The following C4orf36 variants were observed in gnomAD, a reference collection of about 807,000 sequenced individuals.
C4orf36 encodes the protein uncharacterized protein C4orf36.
Under a neutral mutation model 12.2 loss-of-function variants are expected in C4orf36, and 11 were observed. The ratio of observed to expected loss-of-function variants is 0.90; its 90% CI spans 0.57 to 1.49. The LOEUF (loss-of-function observed/expected upper bound fraction) is 1.49. Among genes scored for constraint, C4orf36 ranks in the 40% most tolerant of loss-of-function variants. C4orf36 has a pLI of 0.00. For synonymous variants in C4orf36, 54 were observed against 51.3 expected (o/e 1.05, Z -0.22); for missense variants, 137 against 133.9 (o/e 1.02, Z -0.11).
intron 4 of C4orf36, among the ~76,000 whole-genome samples, chr4:86,885,356 T>G (rs1010153931): frequency 5.3e-5 from 8 of 152,188 alleles, no homozygotes; most frequent in African/African-American, 1.9e-4. Flanking sequence ...CATTTGTTTG[T>G]GTCCTCTTTT....
chr4:86,902,418 C>CAAAAAAAAAAAAAAAAA, the C4orf36 span, among the ~76,000 whole-genome samples: 1 of 58,958 alleles, frequency 1.7e-5, no homozygotes. Flanking sequence ...ATGAGACTCT[C>CAAAAAAAAAAAAAAAAA]AAAAAAAAAA....
chr4:86,891,773 C>A (rs1747426333), intron 1 of C4orf36, among the ~76,000 whole-genome samples, 180 bp from the exon 2 acceptor site: 1 of 152,140 alleles, frequency 6.6e-6, no homozygotes, highest in South Asian at 2.1e-4. Flanking sequence ...TTTTTTGCCA[C>A]CGAATAAGGA....
chr4:86,917,838 A>C, the C4orf36 span, among the ~76,000 whole-genome samples: 1 of 151,120 alleles, frequency 6.6e-6, no homozygotes, highest in South Asian at 2.1e-4. Context: ...CCTTTACAGC[A>C]TGTTACTGTA....
At chr4:86,892,834 A>G (rs368650853), upstream of C4orf36, among the ~76,000 whole-genome samples, 9 of 152,354 alleles carry the variant, frequency 5.9e-5, no homozygotes, top group Admixed American at 4.6e-4. Flanking sequence ...CAATTTCTAA[A>G]GCCGTTATTA....
chr4:86,917,366 TGGAA>T, the C4orf36 span, among the ~76,000 whole-genome samples: 58 of 99,344 alleles, frequency 5.8e-4, no homozygotes, highest in Non-Finnish European at 9.9e-4. Context: ...AAGGAAAGGA[TGGAA>T]GGAAGGAAGG....
At chr4:86,878,293 G>C (rs571241520) in intron 4 of C4orf36, among the ~76,000 whole-genome samples, 4 of 152,180 alleles carry the variant, frequency 2.6e-5, no homozygotes, top group South Asian at 4.2e-4. Flanking sequence ...GGACCATTTT[G>C]CTCATTTATG....
At chr4:86,892,092 G>A (rs553355189) in intron 1 of C4orf36, 91 bp downstream of exon 1, 871 of 985,852 alleles carry the variant, frequency 8.8e-4, no homozygotes, top group Middle Eastern at 2.1e-3. Context: ...CAGGGCCCGG[G>A]AGGAACTGGT....
chr4:86,904,964 G>A, the C4orf36 span, among the ~76,000 whole-genome samples: 1 of 152,066 alleles, frequency 6.6e-6, no homozygotes, highest in African/African-American at 2.4e-5. Context: ...GGGCGGTTGC[G>A]GTAACTCACG....
At chr4:86,930,748 G>A in the C4orf36 span, among the ~76,000 whole-genome samples, 1 of 152,154 alleles carries the variant, frequency 6.6e-6, no homozygotes, top group Non-Finnish European at 1.5e-5. Context: ...TAGCAATGAG[G>A]AAAAATTTAC....
chr4:86,917,368 G>A, the C4orf36 span, among the ~76,000 whole-genome samples: 1 of 147,972 alleles, frequency 6.8e-6, no homozygotes, highest in Admixed American at 6.8e-5. Context: ...GGAAAGGATG[G>A]AAGGAAGGAA....
At position 86,883,089 on chromosome 4, in the gene C4orf36, TGTGA is replaced by T. The variant is rs1248123673; in HGVS notation, c.*2+4665_*2+4668del. Among the ~76,000 whole-genome samples the T allele has an allele frequency of 3.3e-5, 5 of 152,178 alleles. No individual in the cohort carries two copies. In the East Asian group the frequency reaches 7.7e-4, roughly 23 times the overall value. ...ATGCCACTAACTAAAAGTGCCAGGT[TGTGA>T]GTGAGGTGTGACATGCTTAGGGCTC... is the stretch of plus-strand genomic sequence containing the variant. On this transcript the variant is annotated intron_variant, in intron 4 of 4. Coordinates refer to ENST00000295898, the MANE Select transcript of C4orf36 (RefSeq NM_144645.4).
chr4:86,928,553 T>G, the C4orf36 span, among the ~76,000 whole-genome samples: 1 of 152,176 alleles, frequency 6.6e-6, no homozygotes, highest in African/African-American at 2.4e-5. Context: ...TAGACTAGAC[T>G]AGACTAGATT....
chr4:86,892,468 G>A (rs1747465599), upstream of C4orf36: 2 of 985,032 alleles, frequency 2.0e-6, no homozygotes, highest in South Asian at 9.4e-5. Context: ...GGCTTTGTGG[G>A]GCCCTCCCCA....
chr4:86,897,140 T>C (rs1022126670), upstream of C4orf36, among the ~76,000 whole-genome samples: 3 of 152,020 alleles, frequency 2.0e-5, no homozygotes, highest in African/African-American at 7.2e-5. Context: ...GTGGGTGGAT[T>C]GCTTGAGTTC....
At chr4:86,897,671 C>CT in the C4orf36 span, among the ~76,000 whole-genome samples, 1 of 152,204 alleles carries the variant, frequency 6.6e-6, no homozygotes, top group East Asian at 1.9e-4. Context: ...CTTCTCTACT[C>CT]TTCTTAGAGG....
the C4orf36 span, among the ~76,000 whole-genome samples, chr4:86,918,815 G>A: frequency 4.1e-4 from 5 of 12,198 alleles, no homozygotes; most frequent in East Asian, 2.8e-3. Flanking sequence ...GTGTGCGTGT[G>A]TGTGTGTGTG....
chr4:86,887,502 T>A, intron 4 of C4orf36: 1 of 346,100 alleles, frequency 2.9e-6, no homozygotes, highest in African/African-American at 2.1e-5. Flanking sequence ...AAAATTAAAA[T>A]GAATAGCACA....
the C4orf36 span, chr4:86,933,556 C>G: frequency 6.6e-6 from 1 of 151,842 alleles, no homozygotes; most frequent in Admixed American, 6.6e-5. Flanking sequence ...TGGGATGACA[C>G]AAAAAGAACA....
the C4orf36 span, among the ~76,000 whole-genome samples, chr4:86,905,539 C>A: frequency 1.3e-5 from 2 of 151,980 alleles, no homozygotes; most frequent in African/African-American, 4.8e-5. Context: ...GGTGACAGAG[C>A]AAGATCCTGT....
Sources: allele counts gnomAD v4.1 joint callset (sites outside exome capture counted in the v4.1 genomes callset), GRCh38; gene constraint gnomAD v4.1.1; transcripts MANE v1.5; gene names NCBI Gene and HGNC (gene_info 2026-07-23, HGNC 2026-07-21).